Variants in ARHGEF18 observed in about 807,000 individuals in gnomAD.
The protein encoded by ARHGEF18 is Rho/Rac guanine nucleotide exchange factor 18, also known as rho guanine nucleotide exchange factor 18.
ARHGEF18 carries 93 observed loss-of-function variants against 155.7 expected under a neutral mutation model. That is an observed-to-expected ratio of 0.60 (90% CI 0.50 to 0.71). ARHGEF18 has a LOEUF of 0.71. ARHGEF18 is among the 30% of genes least tolerant of loss of function. The pLI is 0.00. For synonymous variants in ARHGEF18, 742 were observed against 753.1 expected, an observed-to-expected ratio of 0.99 and a Z score of 0.24; for missense variants, 1,593 against 1,816.1, an observed-to-expected ratio of 0.88 and a Z score of 2.23.
intron 10 of ARHGEF18, among the ~76,000 whole-genome samples, chr19:7,413,124 C>T (rs1341427586): frequency 1.3e-5 from 2 of 151,962 alleles, no homozygotes; most frequent in African/African-American, 4.8e-5. Flanking sequence ...GGATCAGAAG[C>T]ACGCAGAGAT....
At chr19:7,478,323 G>C in the ARHGEF18 span, 435 of 1,610,948 alleles carry the variant, frequency 2.7e-4, 2 homozygotes, top group African/African-American at 5.5e-3. Flanking sequence ...CCTGGTGAAG[G>C]GCGCCGTGGG....
intron 17 of ARHGEF18, 22 bp from the exon 18 acceptor site, chr19:7,456,305 T>C: frequency 6.2e-7 from 1 of 1,613,322 alleles, no homozygotes; most frequent in Non-Finnish European, 8.5e-7. Context: ...TTAAGATGCA[T>C]CCTTCCATGC....
chr19:7,395,030 C>T lies in ARHGEF18; in HGVS notation c.967+11827C>T. ...AGCAGCAGCCCCAGGTCCCCGGGAG[C>T]GCCCCGCCCTCGAGGGCACGCCTCC... On this transcript the variant is annotated intron_variant, in intron 10 of 28. Coordinates refer to ENST00000668164, the MANE Select transcript of ARHGEF18 (RefSeq NM_001367823.1). The surrounding 1 kb of genome is among the most constrained non-coding windows in gnomAD (Gnocchi z 5.0). 2 of 983,776 alleles carry T rather than the reference C, an allele frequency of 2.0e-6. No individual in the cohort carries two copies. The highest frequency in any genetic ancestry group is 2.4e-6 in the Non-Finnish European group (2 of 828,424). The allele number at this position is 983,776 out of a possible 1,614,324, so 60.9% of individuals were successfully genotyped here.
chr19:7,475,060 C>T (rs944999330), downstream of ARHGEF18, among the ~76,000 whole-genome samples: 6 of 152,070 alleles, frequency 3.9e-5, no homozygotes, highest in African/African-American at 1.4e-4. Flanking sequence ...GTGGTGAAAC[C>T]CCGTTTCTAC....
intron 17 of ARHGEF18, 111 bp downstream of exon 17, chr19:7,453,826 G>T (rs544388191): frequency 2.2e-6 from 3 of 1,370,434 alleles, no homozygotes; most frequent in Admixed American, 5.3e-5. Context: ...GTATCAGTGG[G>T]TACCATCTTG....
At chr19:7,409,532 A>T (rs6603143) in intron 10 of ARHGEF18, among the ~76,000 whole-genome samples, 1 of 148,726 alleles carries the variant, frequency 6.7e-6, no homozygotes, top group Non-Finnish European at 1.5e-5. Flanking sequence ...AGTTCAAGCT[A>T]TTCTCCTGCC....
At chr19:7,368,599 C>G (rs939021996) in intron 2 of ARHGEF18, among the ~76,000 whole-genome samples, 2 of 152,116 alleles carry the variant, frequency 1.3e-5, no homozygotes, top group African/African-American at 2.4e-5. Context: ...GGCCTGGCTC[C>G]CACCTCTGCC....
intron 1 of ARHGEF18, among the ~76,000 whole-genome samples, chr19:7,353,647 T>C (rs772730485): frequency 6.6e-6 from 1 of 151,436 alleles, no homozygotes; most frequent in Non-Finnish European, 1.5e-5. Flanking sequence ...GATATCCCTG[T>C]TGTATTTTTT....
chr19:7,384,979 G>A (rs1394073324), intron 10 of ARHGEF18, among the ~76,000 whole-genome samples: 1 of 152,156 alleles, frequency 6.6e-6, no homozygotes, highest in Non-Finnish European at 1.5e-5. Flanking sequence ...ATAGGTGTGA[G>A]CCACCTCACC....
chr19:7,451,308 A>G (rs778376458), intron 16 of ARHGEF18, 42 bp downstream of exon 16: 6 of 1,564,800 alleles, frequency 3.8e-6, no homozygotes, highest in African/African-American at 2.7e-5. Flanking sequence ...GTGCTGCTGC[A>G]GCACAGGGCT....
Position 7,439,287 on chromosome 19 carries a change from C to CA in ARHGEF18, c.968-1057_968-1056insA, listed in dbSNP as rs200582018. 3.3e-5 allele frequency among the ~76,000 whole-genome samples: 5 copies of CA among 151,096 alleles called. No homozygotes were observed. In the East Asian group the frequency reaches 5.9e-4, roughly 18 times the overall value. ...CCTGAGCAACATAGTGAGACCCCCC[C>CA]CCAACCTCTACAAGAAAATATTTTT... On this transcript the variant is annotated intron_variant, in intron 10 of 28. Transcript: ENST00000668164.
chr19:7,405,310 A>G (rs1221837196), intron 10 of ARHGEF18, among the ~76,000 whole-genome samples: 1 of 152,194 alleles, frequency 6.6e-6, no homozygotes, highest in Non-Finnish European at 1.5e-5. Context: ...GCTTGTAGCC[A>G]TGTCATTCCA....
chr19:7,357,613 C>CT (rs1182537665), intron 1 of ARHGEF18, among the ~76,000 whole-genome samples: 1 of 152,162 alleles, frequency 6.6e-6, no homozygotes, highest in African/African-American at 2.4e-5. Context: ...CTTAGCTCCC[C>CT]TGGGAGAGTG....
chr19:7,380,803 A>T, intron 7 of ARHGEF18, 114 bp from the exon 8 acceptor site: 1 of 534,380 alleles, frequency 1.9e-6, no homozygotes, highest in Non-Finnish European at 2.9e-6. Flanking sequence ...AGTGTCAAGG[A>T]CAGGTGGGCT....
At chr19:7,417,408 TA>T (rs1438410427) in intron 10 of ARHGEF18, among the ~76,000 whole-genome samples, 1 of 151,930 alleles carries the variant, frequency 6.6e-6, no homozygotes. Flanking sequence ...CATTTAAAAA[TA>T]AAAGTTGGCC....
At chr19:7,476,968 A>G (rs905185873), downstream of ARHGEF18, 1 of 412,926 alleles carries the variant, frequency 2.4e-6, no homozygotes, top group Admixed American at 4.2e-5. Flanking sequence ...ACAAGACGCC[A>G]GCTGGCAGGC....
intron 1 of ARHGEF18, among the ~76,000 whole-genome samples, chr19:7,358,997 C>G (rs1301608953): frequency 6.6e-6 from 1 of 152,144 alleles, no homozygotes; most frequent in Non-Finnish European, 1.5e-5. Flanking sequence ...CTAGGCAGAG[C>G]AATCCAAAGT....
At chr19:7,453,378 T>C (rs1422958536) in intron 16 of ARHGEF18, 89 bp from the exon 17 acceptor site, 2 of 1,379,398 alleles carry the variant, frequency 1.4e-6, no homozygotes, top group Non-Finnish European at 1.9e-6. Flanking sequence ...ACACACCTCA[T>C]AGATCCACAT....
At chr19:7,430,076 A>G (rs918344825) in intron 10 of ARHGEF18, among the ~76,000 whole-genome samples, 5 of 152,102 alleles carry the variant, frequency 3.3e-5, no homozygotes, top group Non-Finnish European at 5.9e-5. Flanking sequence ...TTCCCCGCAC[A>G]TTAATAACTG....
Sources: gnomAD v4.1 joint callset for allele counts (sites outside exome capture counted in the v4.1 genomes callset) on GRCh38, gnomAD v4.1.1 for gene constraint, Gnocchi (gnomAD v3.1) non-coding constraint, MANE v1.5 for transcripts, NCBI Gene and HGNC (gene_info 2026-07-23, HGNC 2026-07-21) for gene names.